The following KLHL13 variants were observed in gnomAD, a reference collection of about 807,000 sequenced individuals.
The protein encoded by KLHL13 is kelch like family member 13.
Under a neutral mutation model 37.1 loss-of-function variants are expected in KLHL13, and 10 were observed. The ratio of observed to expected loss-of-function variants is 0.27; its 90% CI spans 0.17 to 0.46. The LOEUF (loss-of-function observed/expected upper bound fraction) is 0.46, where lower values mean the gene tolerates loss of function less well. KLHL13 is among the 20% of genes least tolerant of loss of function. The pLI, the probability that KLHL13 is intolerant of heterozygous loss-of-function variation, is 1.00. For synonymous variants in KLHL13, 163 were observed against 181.2 expected, an observed-to-expected ratio of 0.90 and a Z score of 0.81; for missense variants, 360 against 509.3, an observed-to-expected ratio of 0.71 and a Z score of 2.82.
rs775073200 is a variant in KLHL13, at chrX:117,953,574, A to T, written c.99-7999T>A. Among the ~76,000 whole-genome samples the T allele has an allele frequency of 1.1e-4, 12 of 110,826 alleles. No individual in the cohort carries two copies. The East Asian group carries it at 1.4e-3, about 13-fold the overall frequency. On this transcript the variant is annotated intron_variant, in intron 1 of 6. Transcript: ENST00000262820. ...ATAATAGTAATAAAATAAAATAAAA[A>T]AATAAAATAAAATAAAGACAGGGAA...
intron 1 of KLHL13, among the ~76,000 whole-genome samples, chrX:118,042,157 A>G (rs973576878): frequency 1.8e-5 from 2 of 111,920 alleles, no homozygotes; most frequent in African/African-American, 6.5e-5. Context: ...AGAGGATATA[A>G]AATTGTAAAC....
At position 117,907,981 on chromosome X, in the gene KLHL13, A is replaced by G. The variant is rs1436632395; in HGVS notation, c.1366+1320T>C. 2.7e-5 allele frequency among the ~76,000 whole-genome samples: 3 copies of G among 111,088 alleles called. No homozygotes were observed. In the East Asian group the frequency reaches 8.4e-4, roughly 31 times the overall value. ...ATATTGAAAAATAAAGATTCTGAGA[A>G]TTACTCTGAACTTATCCAGAGCCAA... On this transcript the variant is annotated intron_variant, in intron 5 of 6. Coordinates refer to ENST00000262820, the Ensembl canonical transcript of KLHL13.
intron 1 of KLHL13, among the ~76,000 whole-genome samples, chrX:118,031,916 T>C (rs1211416750): frequency 1.8e-5 from 2 of 109,518 alleles, no homozygotes; most frequent in Admixed American, 9.8e-5. Flanking sequence ...GGGCAAGACA[T>C]TGCCTCACTC....
At chrX:118,090,512 A>C (rs1288703622) in intron 1 of KLHL13, among the ~76,000 whole-genome samples, 2 of 111,978 alleles carry the variant, frequency 1.8e-5, no homozygotes, top group Admixed American at 9.5e-5. Flanking sequence ...ATGCAGCCAA[A>C]AGACACATGA....
At chrX:117,962,948 G>T (rs1280773748) in intron 1 of KLHL13, among the ~76,000 whole-genome samples, 1 of 111,851 alleles carries the variant, frequency 8.9e-6, no homozygotes, top group Non-Finnish European at 1.9e-5. Flanking sequence ...TAAGTGCTTA[G>T]CACTTCTATA....
intron 1 of KLHL13, among the ~76,000 whole-genome samples, chrX:118,002,065 T>C (rs2053927848): frequency 9.0e-6 from 1 of 110,983 alleles, no homozygotes; most frequent in South Asian, 3.8e-4. Flanking sequence ...TAAAGAGACA[T>C]AATTCAATCT....
intron 1 of KLHL13, among the ~76,000 whole-genome samples, chrX:118,106,067 A>ATT (rs1228266636): frequency 0.034 from 2,931 of 86,407 alleles, 140 homozygotes; most frequent in African/African-American, 0.13. Flanking sequence ...ACGCCCAGCT[A>ATT]TTTTTTTTTT....
intron 1 of KLHL13, among the ~76,000 whole-genome samples, chrX:118,052,349 T>TA (rs35585378): frequency 1.9e-4 from 16 of 86,236 alleles, no homozygotes; most frequent in African/African-American, 2.6e-4. Context: ...CCGTCTCTAC[T>TA]AAAAAAAAAA....
intron 1 of KLHL13, among the ~76,000 whole-genome samples, chrX:118,097,722 A>G (rs1185255568): frequency 8.9e-6 from 1 of 111,924 alleles, no homozygotes; most frequent in Non-Finnish European, 1.9e-5. Flanking sequence ...TACTGGTACC[A>G]AAACAGAGAT....
At chrX:117,943,685 T>A (rs1321798906) in intron 2 of KLHL13, among the ~76,000 whole-genome samples, 1 of 109,227 alleles carries the variant, frequency 9.2e-6, no homozygotes, top group Non-Finnish European at 1.9e-5. Context: ...ATCAGGTCAT[T>A]TATGTTCTTC....
At chrX:117,919,841 T>A in intron 3 of KLHL13, 124 bp from the exon 5 acceptor site, 1 of 506,871 alleles carries the variant, frequency 2.0e-6, no homozygotes, top group Non-Finnish European at 3.3e-6. Context: ...CATATTAGAG[T>A]CAGTCTGCTG....
At chrX:118,011,660 T>C (rs1334035664) in intron 1 of KLHL13, among the ~76,000 whole-genome samples, 6 of 111,067 alleles carry the variant, frequency 5.4e-5, no homozygotes, top group Admixed American at 9.6e-5. Context: ...TCCAGGATGA[T>C]GCCCGAGTTT....
At chrX:117,950,884 TGGA>T (rs930312217) in intron 1 of KLHL13, among the ~76,000 whole-genome samples, 2 of 112,376 alleles carry the variant, frequency 1.8e-5, no homozygotes, top group Admixed American at 9.4e-5. Context: ...GCATGGCAGG[TGGA>T]GAAGAAATTT....
intron 2 of KLHL13, among the ~76,000 whole-genome samples, chrX:117,929,817 T>C (rs1008628359): frequency 9.7e-6 from 1 of 102,848 alleles, no homozygotes; most frequent in Non-Finnish European, 2.0e-5. Flanking sequence ...TAAATTAAAT[T>C]AGTCGAGTGT....
chrX:118,015,156 T>G (rs1297455176), intron 1 of KLHL13, among the ~76,000 whole-genome samples: 1 of 111,599 alleles, frequency 9.0e-6, no homozygotes, highest in Non-Finnish European at 1.9e-5. Context: ...AGAGTTTGAA[T>G]GACACCTATA....
At chrX:117,936,156 C>T (rs903515516) in intron 2 of KLHL13, among the ~76,000 whole-genome samples, 1 of 111,700 alleles carries the variant, frequency 9.0e-6, no homozygotes, top group African/African-American at 3.3e-5. Flanking sequence ...GAAATAACCA[C>T]AGATGTAGTA....
intron 1 of KLHL13, among the ~76,000 whole-genome samples, chrX:118,036,699 T>C (rs1172272181): frequency 1.7e-4 from 19 of 111,036 alleles, no homozygotes; most frequent in African/African-American, 4.0e-4. Flanking sequence ...ACTTCATGTC[T>C]AAAACACCAA....
At chrX:117,904,524 C>A in intron 5 of KLHL13, among the ~76,000 whole-genome samples, 1 of 111,344 alleles carries the variant, frequency 9.0e-6, no homozygotes, top group East Asian at 2.8e-4. Flanking sequence ...TGGCAGCAAA[C>A]CTCAGTCCAT....
chrX:117,965,585 G>A (rs1044858966), intron 1 of KLHL13, among the ~76,000 whole-genome samples: 33 of 110,860 alleles, frequency 3.0e-4, no homozygotes, highest in Middle Eastern at 9.2e-3. Flanking sequence ...ACCAAAGTCC[G>A]GCAGAGACAC....
Sources: gnomAD v4.1 joint callset for allele counts (sites outside exome capture counted in the v4.1 genomes callset) on GRCh38, gnomAD v4.1.1 for gene constraint, MANE v1.5 for transcripts, NCBI Gene and HGNC (gene_info 2026-07-23, HGNC 2026-07-21) for gene names.